The following ECE2 variants were observed in gnomAD, a reference collection of about 807,000 sequenced individuals.
ECE2 encodes endothelin-converting enzyme 2.
ECE2 carries 81 observed loss-of-function variants against 100.6 expected under a neutral mutation model. That is an observed-to-expected ratio of 0.81 (90% CI 0.67 to 0.97). The LOEUF (loss-of-function observed/expected upper bound fraction) is 0.97, where lower values mean the gene tolerates loss of function less well. ECE2 is among the 50% of genes least tolerant of loss of function. ECE2 has a pLI of 0.00. For missense variants in ECE2, 911 were observed against 988.1 expected (o/e 0.92, Z 1.05); for synonymous variants, 391 against 391.5 (o/e 1.00, Z 0.02).
In ECE2 at chr3:184,285,007, G is replaced by A; in HGVS notation, c.1050G>A (p.Leu350=). ...ACTGGCTTGAGTTCCTGTCTTTCTT[G>A]CTGTCACCATTGGAGTTGAGTGACT... The part of the protein sequence containing the change: ...SMDWLEFLSF[L]LSPLELSDSE... The change falls in exon 9 of 19, where the codon TTG becomes TTA. Residue 350 remains leucine, a synonymous_variant. Transcript: ENST00000404464. 6.2e-7 allele frequency: 1 copy of A among 1,614,118 alleles called. No individual in the cohort carries two copies. The highest frequency in any genetic ancestry group is 8.5e-7 in the Non-Finnish European group (1 of 1,180,026).
intron 7 of ECE2, among the ~76,000 whole-genome samples, chr3:184,280,978 CA>C (rs879881453): frequency 0.013 from 1,444 of 110,198 alleles, 5 homozygotes; most frequent in Non-Finnish European, 0.018. Flanking sequence ...GACTCTGTCT[CA>C]AAAAAAAAAA....
chr3:184,276,678 C>A (rs1228179761), intron 2 of ECE2, 111 bp downstream of exon 2: 1 of 1,555,168 alleles, frequency 6.4e-7, no homozygotes, highest in South Asian at 1.2e-5. Flanking sequence ...ACCTCCGCTC[C>A]ATCTCTGGCC....
rs1721223550 is a variant in ECE2, at chr3:184,289,677, T to C, written c.1510T>C (p.Phe504Leu). Reference sequence around the variant, plus strand: ...CTATGATATGATTGGTTTCCCAGACTTTATCCTGGAGCCCAAAGAGCTGGA... The same window carrying C: ...CTATGATATGATTGGTTTCCCAGACCTTATCCTGGAGCCCAAAGAGCTGGA... ...AIYDMIGFPDFILEPKELDDV... is the reference protein window; with the variant it reads ...AIYDMIGFPDLILEPKELDDV... The change falls in exon 13 of 19, where the codon TTT becomes CTT. Residue 504 changes from phenylalanine to leucine, a missense_variant. Transcript: ENST00000404464. The surrounding 1 kb of genome is among the most constrained non-coding windows in gnomAD (Gnocchi z 4.1). 1.2e-6 allele frequency: 2 copies of C among 1,613,684 alleles called. No individual in the cohort carries two copies. Among genetic ancestry groups the C allele is most frequent in the African/African-American group, 1.3e-5 (1 of 75,014 alleles).
At chr3:184,278,447 T>TGGTG (rs1428057816) in intron 6 of ECE2, 45 bp from the exon 7 acceptor site, 5 of 1,600,218 alleles carry the variant, frequency 3.1e-6, no homozygotes, top group Admixed American at 1.7e-5. Context: ...CAGGTTCCCA[T>TGGTG]GGTGGGGAAA....
At chr3:184,281,730 C>T (rs1434122714) in intron 7 of ECE2, among the ~76,000 whole-genome samples, 1 of 152,234 alleles carries the variant, frequency 6.6e-6, no homozygotes, top group Non-Finnish European at 1.5e-5. Context: ...GTCAGCATGT[C>T]ACTGGTTGCC....
intron 11 of ECE2, among the ~76,000 whole-genome samples, chr3:184,288,783 G>A (rs761065143): frequency 1.4e-4 from 21 of 152,164 alleles, no homozygotes; most frequent in South Asian, 6.2e-4. Context: ...CTATGAATGA[G>A]TGCTTTATAA....
rs1211632117 is a variant in ECE2, at chr3:184,289,080, G to A, written c.1375-357G>A. ...TGAGGCAGGAGAATCGCTTGAACTC[G>A]GGAGGCGGAGGTTGCAGTGAGCCGA... On this transcript the variant is annotated intron_variant, in intron 11 of 18. Transcript: ENST00000404464. The surrounding 1 kb of genome is among the most constrained non-coding windows in gnomAD (Gnocchi z 4.1). 1.3e-5 allele frequency among the ~76,000 whole-genome samples: 2 copies of A among 151,674 alleles called. No individual in the cohort carries two copies. The highest frequency in any genetic ancestry group is 2.4e-5 in the African/African-American group (1 of 41,226).
intron 1 of ECE2, 129 bp downstream of exon 1, chr3:184,276,321 G>A (rs1237569945): frequency 7.2e-7 from 1 of 1,389,724 alleles, no homozygotes; most frequent in Non-Finnish European, 9.7e-7. Flanking sequence ...CTGGTGGAGG[G>A]GTGATAGAGA....
chr3:184,289,680 AT>A lies in ECE2; in HGVS notation c.1514del (p.Ile505ThrfsTer26). 4 of 1,613,698 alleles carry A rather than the reference AT, an allele frequency of 2.5e-6. No individual in the cohort carries two copies. Among genetic ancestry groups the A allele is most frequent in the Non-Finnish European group, 3.4e-6 (4 of 1,179,846 alleles). ...TGATATGATTGGTTTCCCAGACTTT[AT>A]CCTGGAGCCCAAAGAGCTGGATGAT... ...IYDMIGFPDF[I>X]LEPKELDDVY... On this transcript the variant is annotated frameshift_variant, in exon 13 of 19. Transcript: ENST00000404464. LOFTEE classifies it high-confidence loss of function. This position sits in a 1 kb window ranked among gnomAD's most constrained non-coding sequence, Gnocchi z 4.1.
chr3:184,289,715 C>T lies in ECE2; in HGVS notation c.1548C>T (p.Asp516=), dbSNP rs145834016. The T allele has an allele frequency of 8.2e-5, 132 of 1,611,364 alleles. 1 individual carries two copies. In the East Asian group the frequency reaches 9.1e-4, roughly 11 times the overall value. The change falls in exon 13 of 19, where the codon GAC becomes GAT. Residue 516 remains aspartate (D), a synonymous_variant. Transcript: ENST00000404464. The surrounding 1 kb of genome is among the most constrained non-coding windows in gnomAD (Gnocchi z 4.1). ...CCAAAGAGCTGGATGATGTTTATGA[C>T]GGGGTGAGTACCTACGCTCATCAGT... ...LEPKELDDVY[D]GYEISEDSFF... is the part of the protein sequence containing the mutation.
intron 7 of ECE2, among the ~76,000 whole-genome samples, chr3:184,281,659 G>T (rs1331045919): frequency 2.6e-5 from 4 of 152,250 alleles, no homozygotes; most frequent in East Asian, 3.8e-4. Flanking sequence ...TTTACAATTT[G>T]GGAGAGAACC....
chr3:184,290,709 CT>C (rs1396651337), intron 15 of ECE2, 42 bp downstream of exon 15: 3 of 1,612,656 alleles, frequency 1.9e-6, no homozygotes, highest in Non-Finnish European at 2.5e-6. Context: ...GGGCCTGGGC[CT>C]GTGGTTGAGC....
intron 8 of ECE2, 111 bp from the exon 9 acceptor site, chr3:184,284,852 A>C: frequency 7.1e-7 from 1 of 1,401,348 alleles, no homozygotes; most frequent in African/African-American, 1.4e-5. Context: ...CCATGAAGCC[A>C]GTAGTTGTTG....
Position 184,291,046 on chromosome 3 carries a change from A to G in ECE2, c.1841A>G (p.Glu614Gly). ...AAAGGTGAGTTCTCCTCAGGGCGCG[A>G]GTATGACAAAGAAGGGAACCTGCGG... ...LTHAFDDQGR[E>G]YDKEGNLRPW... The change falls in exon 17 of 19, where the codon GAG becomes GGG. Residue 614 changes from glutamate to glycine, a missense_variant. Physicochemically the swap from Glu to Gly is moderately conservative, Grantham distance 98. Transcript: ENST00000404464. The surrounding 1 kb of genome is among the most constrained non-coding windows in gnomAD (Gnocchi z 4.1). The G allele has an allele frequency of 6.4e-7, 1 of 1,568,154 alleles. No homozygotes were observed. Among genetic ancestry groups the G allele is most frequent in the Non-Finnish European group, 8.7e-7 (1 of 1,155,594 alleles).
At chr3:184,280,840 G>C (rs899153933) in intron 7 of ECE2, among the ~76,000 whole-genome samples, 1 of 152,044 alleles carries the variant, frequency 6.6e-6, no homozygotes, top group Admixed American at 6.6e-5. Flanking sequence ...TTAGCCCGAC[G>C]TGGTGGCGGG....
chr3:184,276,288 G>A (rs1336677027), intron 1 of ECE2, 96 bp downstream of exon 1: 2 of 1,413,792 alleles, frequency 1.4e-6, no homozygotes, highest in African/African-American at 1.4e-5. Context: ...CCCGGCTCGC[G>A]GAGGTAAGGC....
chr3:184,276,246 C>T, intron 1 of ECE2, 54 bp downstream of exon 1: 1 of 1,438,416 alleles, frequency 7.0e-7, no homozygotes, highest in Non-Finnish European at 9.1e-7. Flanking sequence ...GGGGACGAGG[C>T]AGAGGGGTCG....
intron 10 of ECE2, among the ~76,000 whole-genome samples, chr3:184,287,043 G>A (rs1721087738): frequency 6.6e-6 from 1 of 151,940 alleles, no homozygotes; most frequent in Non-Finnish European, 1.5e-5. Flanking sequence ...GGAGGTCAAG[G>A]TGGGCGGATC....
At position 184,291,900 on chromosome 3, in the gene ECE2, G is replaced by A. The variant is rs541707991; in HGVS notation, c.2122-162G>A. ...TTCTGGGGCTCCGCTTTTTCCCCTC[G>A]TCATGTCCATGCTGGGCAACCCGAT... On this transcript the variant is annotated intron_variant, in intron 18 of 18. Transcript: ENST00000404464. This position sits in a 1 kb window ranked among gnomAD's most constrained non-coding sequence, Gnocchi z 4.1. 1.1e-4 allele frequency: 84 copies of A among 752,834 alleles called. No individual in the cohort carries two copies. The African/African-American group carries it at 1.2e-3, about 11-fold the overall frequency. The allele number at this position is 752,834 out of a possible 1,614,324, so 46.6% of individuals were successfully genotyped here.
Sources: allele counts gnomAD v4.1 joint callset (sites outside exome capture counted in the v4.1 genomes callset), GRCh38; gene constraint gnomAD v4.1.1; non-coding constraint Gnocchi (gnomAD v3.1); transcripts MANE v1.5; gene names NCBI Gene and HGNC (gene_info 2026-07-23, HGNC 2026-07-21).